The following MAN1A2 variants were observed in gnomAD, a reference collection of about 807,000 sequenced individuals.
MAN1A2 encodes mannosyl-oligosaccharide 1,2-alpha-mannosidase IB.
A neutral mutation model predicts 75.7 loss-of-function variants in MAN1A2; 26 were observed. The observed-to-expected ratio is 0.34, with a 90% confidence interval of 0.25 to 0.48. MAN1A2 has a LOEUF of 0.48. Among genes scored for constraint, MAN1A2 ranks in the 20% least tolerant of loss-of-function variants. The pLI is 0.99. For synonymous variants in MAN1A2, 247 were observed against 264.6 expected, an observed-to-expected ratio of 0.93 and a Z score of 0.65; for missense variants, 562 against 775.5, an observed-to-expected ratio of 0.72 and a Z score of 3.27.
At chr1:117,459,471 T>A (rs1461976539) in intron 6 of MAN1A2, among the ~76,000 whole-genome samples, 1 of 152,154 alleles carries the variant, frequency 6.6e-6, no homozygotes, top group Non-Finnish European at 1.5e-5. Context: ...CCAACTGAAA[T>A]TCCCAGGGCC....
chr1:117,518,336 C>T (rs1294566904), intron 12 of MAN1A2, among the ~76,000 whole-genome samples: 2 of 151,844 alleles, frequency 1.3e-5, no homozygotes, highest in Non-Finnish European at 2.9e-5. Context: ...CTGTTCAAAT[C>T]CCTTTTATAA....
intron 1 of MAN1A2, among the ~76,000 whole-genome samples, chr1:117,384,346 A>G (rs182174925): frequency 5.3e-5 from 8 of 152,136 alleles, no homozygotes; most frequent in Admixed American, 3.3e-4. Context: ...CTAATTTCCC[A>G]TGTGATTTCT....
chr1:117,393,318 A>C (rs1048751652), intron 1 of MAN1A2, among the ~76,000 whole-genome samples: 1 of 152,150 alleles, frequency 6.6e-6, no homozygotes, highest in African/African-American at 2.4e-5. Context: ...TCTTTTAGGA[A>C]GGTCTTAAAT....
At chr1:117,519,298 C>T (rs1169951918) in intron 12 of MAN1A2, among the ~76,000 whole-genome samples, 1 of 151,710 alleles carries the variant, frequency 6.6e-6, no homozygotes, top group African/African-American at 2.4e-5. Context: ...AAGAACAAAC[C>T]ATACTCAAAC....
chr1:117,482,972 C>T (rs1415776271), intron 8 of MAN1A2, among the ~76,000 whole-genome samples: 2 of 152,072 alleles, frequency 1.3e-5, no homozygotes, highest in African/African-American at 2.4e-5. Context: ...AGCCAGTTTT[C>T]CCAGCACCAT....
rs372300456 is a variant in MAN1A2 at position 117,458,523 on chromosome 1, A to AGATT, written c.951-1966_951-1965insGATT. Reference sequence around the variant, plus strand: ...TATATATATATATAGATATATATATATTTTTTTTTTTTTTTTTGAGACAGA... The same window carrying AGATT: ...TATATATATATATAGATATATATATAGATTTTTTTTTTTTTTTTTTTGAGACAGA... On this transcript the variant is annotated intron_variant, in intron 6 of 12. Coordinates refer to ENST00000356554, the MANE Select transcript of MAN1A2 (RefSeq NM_006699.5). Among the ~76,000 whole-genome samples, 437 of 105,610 alleles carry AGATT rather than the reference A, an allele frequency of 4.1e-3. 3 individuals are homozygous for AGATT. Among genetic ancestry groups the AGATT allele is most frequent in the African/African-American group, 0.014 (400 of 29,012 alleles). The allele number at this position is 105,610 out of a possible 152,430, so 69.3% of individuals were successfully genotyped here. A position where few individuals can be genotyped will look rare whatever the true frequency, so the allele number is the denominator to read the frequency against.
intron 6 of MAN1A2, among the ~76,000 whole-genome samples, chr1:117,447,540 G>GTCTCT (rs909945141): frequency 8.1e-4 from 123 of 152,204 alleles, no homozygotes; most frequent in African/African-American, 2.7e-3. Flanking sequence ...CTGTCTTCTA[G>GTCTCT]AGAGGATATG....
At chr1:117,514,982 C>T in intron 12 of MAN1A2, 1 of 482,788 alleles carries the variant, frequency 2.1e-6, no homozygotes, top group Non-Finnish European at 4.3e-6. Context: ...TTATAAGTAC[C>T]TGCTTTCTCA....
At chr1:117,485,832 G>T (rs1263777584) in intron 8 of MAN1A2, among the ~76,000 whole-genome samples, 1 of 151,838 alleles carries the variant, frequency 6.6e-6, no homozygotes, top group Non-Finnish European at 1.5e-5. Flanking sequence ...ATTTAACCAG[G>T]TCCACAGTCC....
chr1:117,523,267 G>T lies in MAN1A2; in HGVS notation c.*310G>T, dbSNP rs1186036204. 2 of 514,612 alleles carry T rather than the reference G, an allele frequency of 3.9e-6. No individual in the cohort carries two copies. Among genetic ancestry groups the T allele is most frequent in the Admixed American group, 2.3e-5 (1 of 43,792 alleles). 31.9% of individuals were successfully genotyped at this position (514,612 alleles called of 1,614,324 possible). On this transcript the variant is annotated 3_prime_UTR_variant, in exon 13 of 13. Transcript: ENST00000356554. ...GTTTTTAGAGTCCTGAAGTCTGGAG[G>T]CTAGACTTCCTGAAAGCAAGTCAAG... is the stretch of plus-strand genomic sequence containing the variant.
intron 10 of MAN1A2, among the ~76,000 whole-genome samples, chr1:117,498,245 G>T (rs1217491329): frequency 6.6e-6 from 1 of 151,776 alleles, no homozygotes; most frequent in Non-Finnish European, 1.5e-5. Flanking sequence ...GCTAAAATTA[G>T]TAAAACATTG....
intron 1 of MAN1A2, among the ~76,000 whole-genome samples, chr1:117,387,702 T>C (rs1485236446): frequency 6.6e-6 from 1 of 152,164 alleles, no homozygotes. Context: ...CAAAGTACCA[T>C]GGACTGGCTG....
chr1:117,393,706 T>A (rs1209989240), intron 1 of MAN1A2, among the ~76,000 whole-genome samples: 5 of 152,172 alleles, frequency 3.3e-5, no homozygotes, highest in Non-Finnish European at 1.5e-5. Context: ...TTCTTGGAAT[T>A]TGGCGATGAG....
rs544004996 is a variant in MAN1A2 at position 117,437,565 on chromosome 1, G to A, written c.856-4666G>A. On this transcript the variant is annotated intron_variant, in intron 5 of 12. Transcript: ENST00000356554. ...TGTAGGAGTGTGTGTGCGTGTGTGT[G>A]TGTGGTCAAGAACATGGACTCTAGA... is the stretch of plus-strand genomic sequence containing the variant. Among the ~76,000 whole-genome samples, 18 of 152,274 alleles carry A rather than the reference G, an allele frequency of 1.2e-4. No homozygotes were observed. The South Asian group carries it at 3.5e-3, about 30-fold the overall frequency.
intron 1 of MAN1A2, among the ~76,000 whole-genome samples, chr1:117,395,251 G>C (rs1653868914): frequency 6.6e-6 from 1 of 152,214 alleles, no homozygotes; most frequent in African/African-American, 2.4e-5. Context: ...CAGTAAGTGT[G>C]AGAAAACTCT....
intron 8 of MAN1A2, among the ~76,000 whole-genome samples, chr1:117,486,995 C>T (rs1650727305): frequency 6.6e-6 from 1 of 151,934 alleles, no homozygotes; most frequent in Non-Finnish European, 1.5e-5. Flanking sequence ...AGATTGGGAA[C>T]ATATTAAGCC....
At chr1:117,489,866 C>T (rs1345402666) in intron 8 of MAN1A2, among the ~76,000 whole-genome samples, 2 of 151,700 alleles carry the variant, frequency 1.3e-5, no homozygotes, top group East Asian at 3.9e-4. Context: ...ACTGAATAAT[C>T]TGTCTTTTCC....
rs1281880199 is a variant in MAN1A2, at chr1:117,527,653, A to T, written c.*4696A>T. 6.6e-6 allele frequency: 1 copy of T among 152,040 alleles called. No individual in the cohort carries two copies. Among genetic ancestry groups the T allele is most frequent in the Non-Finnish European group, 1.5e-5 (1 of 67,946 alleles). The allele number at this position is 152,040 out of a possible 1,614,324, so 9.4% of individuals were successfully genotyped here. A position where few individuals can be genotyped will look rare whatever the true frequency, so the allele number is the denominator to read the frequency against. On this transcript the variant is annotated 3_prime_UTR_variant, in exon 13 of 13. Coordinates refer to ENST00000356554, the MANE Select transcript of MAN1A2 (RefSeq NM_006699.5). ...TTTCTTTGCCTTGTCATTTAATGCC[A>T]TAATTTCAGATTCTCTATGTAAAAA...
At chr1:117,418,555 G>A (rs1648086852) in intron 4 of MAN1A2, among the ~76,000 whole-genome samples, 1 of 151,982 alleles carries the variant, frequency 6.6e-6, no homozygotes, top group South Asian at 2.1e-4. Flanking sequence ...TTTTAAAAAG[G>A]CAATCTGTTT....
Sources: allele counts gnomAD v4.1 joint callset (sites outside exome capture counted in the v4.1 genomes callset), GRCh38; gene constraint gnomAD v4.1.1; transcripts MANE v1.5; gene names NCBI Gene and HGNC (gene_info 2026-07-23, HGNC 2026-07-21).